The following ZNF385B variants were observed in gnomAD, a reference collection of about 807,000 sequenced individuals.
ZNF385B encodes the protein zinc finger protein 533.
A neutral mutation model predicts 39.2 loss-of-function variants in ZNF385B; 23 were observed. The ratio of observed to expected loss-of-function variants is 0.59; its 90% confidence interval spans 0.42 to 0.83. The LOEUF is 0.83. Ranked by LOEUF, ZNF385B falls within the 40% of genes least tolerant of loss-of-function variation. The pLI is 0.00. For synonymous variants in ZNF385B, 205 were observed against 222.6 expected, an observed-to-expected ratio of 0.92 and a Z score of 0.70; for missense variants, 552 against 598.9, an observed-to-expected ratio of 0.92 and a Z score of 0.82.
intron 6 of ZNF385B, among the ~76,000 whole-genome samples, chr2:179,466,915 C>CAAAAAAAAAA (rs777679885): frequency 1.9e-4 from 5 of 26,936 alleles, no homozygotes; most frequent in Admixed American, 6.6e-4. Context: ...GCAAGACTGT[C>CAAAAAAAAAA]AAAAAAAAAA....
At chr2:179,815,630 A>G (rs115532495) in intron 1 of ZNF385B, among the ~76,000 whole-genome samples, 228 of 152,234 alleles carry the variant, frequency 1.5e-3, no homozygotes, top group African/African-American at 5.3e-3. Flanking sequence ...TGATTGCTTG[A>G]TTCATTGATT....
chr2:179,769,797 T>C lies in ZNF385B; in HGVS notation c.4A>G (p.Arg2Gly), dbSNP rs771539914. 56 of 1,601,116 alleles carry C rather than the reference T, an allele frequency of 3.5e-5. No homozygotes were observed. In the African/African-American group the frequency reaches 5.6e-4, roughly 16 times the overall value. ...TGGTTGTCAGGGCTTAAGGAGTACC[T>C]CATGCCTGAAAAACAAAACAAGTAC... is the stretch of plus-strand genomic sequence containing the variant. M[R>G]YSLSPDNHLE... Residue 2 changes from arginine to glycine, a missense_variant, in exon 3 of 10, where the codon AGG becomes GGG. By Grantham distance (125) the Arg-to-Gly change is moderately radical (BLOSUM62 -2). Coordinates refer to ENST00000410066, the MANE Select transcript of ZNF385B (RefSeq NM_152520.6).
At chr2:179,818,248 T>G (rs1707193672) in intron 1 of ZNF385B, among the ~76,000 whole-genome samples, 1 of 152,154 alleles carries the variant, frequency 6.6e-6, no homozygotes, top group African/African-American at 2.4e-5. Context: ...AAATTTGCCT[T>G]TCCGACATAA....
At chr2:179,744,126 A>G (rs12473571) in intron 3 of ZNF385B, among the ~76,000 whole-genome samples, 16,786 of 152,118 alleles carry the variant, frequency 0.11, 1,587 homozygotes, top group East Asian at 0.49. Context: ...ATTTCAGAAC[A>G]TAACTATTTG....
intron 1 of ZNF385B, among the ~76,000 whole-genome samples, chr2:179,781,372 C>A (rs1704653983): frequency 6.6e-6 from 1 of 151,980 alleles, no homozygotes; most frequent in Admixed American, 6.6e-5. Context: ...TGATTTATGA[C>A]AATACTGACA....
chr2:179,691,951 A>G (rs969779657), intron 3 of ZNF385B, among the ~76,000 whole-genome samples: 1 of 152,186 alleles, frequency 6.6e-6, no homozygotes, highest in Non-Finnish European at 1.5e-5. Context: ...TAATGATCAA[A>G]TCAGGCTAAC....
At chr2:179,509,347 G>T in intron 5 of ZNF385B, among the ~76,000 whole-genome samples, 1 of 152,016 alleles carries the variant, frequency 6.6e-6, no homozygotes, top group East Asian at 1.9e-4. Flanking sequence ...TGCTGCTTTG[G>T]AAACAAGTTT....
intron 3 of ZNF385B, among the ~76,000 whole-genome samples, chr2:179,694,211 T>C (rs574116803): frequency 2.0e-5 from 3 of 152,208 alleles, no homozygotes; most frequent in Non-Finnish European, 4.4e-5. Context: ...CCATGTAGAT[T>C]GTTTATCAGG....
At chr2:179,537,515 G>A (rs927638229) in intron 4 of ZNF385B, among the ~76,000 whole-genome samples, 9 of 152,064 alleles carry the variant, frequency 5.9e-5, no homozygotes, top group African/African-American at 1.7e-4. Context: ...TGAGACAGGC[G>A]GATTGCCTGA....
chr2:179,828,083 T>C (rs1707779097), intron 1 of ZNF385B, among the ~76,000 whole-genome samples: 1 of 152,230 alleles, frequency 6.6e-6, no homozygotes, highest in African/African-American at 2.4e-5. Context: ...ATTTTATAAA[T>C]ATATCATTTA....
chr2:179,679,996 C>A (rs1316321459), intron 3 of ZNF385B, among the ~76,000 whole-genome samples: 1 of 152,180 alleles, frequency 6.6e-6, no homozygotes, highest in Non-Finnish European at 1.5e-5. Context: ...CTTTCTTTCT[C>A]ACTTTCTTTC....
intron 5 of ZNF385B, among the ~76,000 whole-genome samples, chr2:179,512,498 T>G (rs1443568308): frequency 6.6e-6 from 1 of 152,164 alleles, no homozygotes; most frequent in Non-Finnish European, 1.5e-5. Context: ...CTCAAAAAAT[T>G]TTCTGAAGTG....
intron 4 of ZNF385B, among the ~76,000 whole-genome samples, chr2:179,520,935 T>G (rs2058443363): frequency 6.6e-6 from 1 of 152,214 alleles, no homozygotes; most frequent in South Asian, 2.1e-4. Context: ...AAAAATACAT[T>G]GAAATTAACA....
At chr2:179,533,972 C>G (rs1013368390) in intron 4 of ZNF385B, among the ~76,000 whole-genome samples, 3 of 152,202 alleles carry the variant, frequency 2.0e-5, no homozygotes, top group African/African-American at 7.2e-5. Flanking sequence ...AGAATCCATT[C>G]AAACTGGTTG....
At chr2:179,670,563 A>C (rs1695847316) in intron 3 of ZNF385B, among the ~76,000 whole-genome samples, 1 of 152,196 alleles carries the variant, frequency 6.6e-6, no homozygotes, top group South Asian at 2.1e-4. Context: ...CATTTAATGT[A>C]CATTTATATA....
intron 1 of ZNF385B, among the ~76,000 whole-genome samples, chr2:179,801,668 T>G (rs1377599900): frequency 6.6e-6 from 1 of 152,146 alleles, no homozygotes; most frequent in African/African-American, 2.4e-5. Flanking sequence ...TATAAAAATT[T>G]GTAAAATAAA....
At chr2:179,561,012 G>A (rs2061299768) in intron 3 of ZNF385B, among the ~76,000 whole-genome samples, 1 of 152,154 alleles carries the variant, frequency 6.6e-6, no homozygotes, top group Admixed American at 6.5e-5. Context: ...AGAAACCTGA[G>A]TGCACCATAG....
chr2:179,621,585 C>G (rs1690219543), intron 3 of ZNF385B, among the ~76,000 whole-genome samples: 1 of 152,222 alleles, frequency 6.6e-6, no homozygotes, highest in Admixed American at 6.5e-5. Context: ...TTGGTTCCCC[C>G]AAGCCAGTGA....
chr2:179,835,508 T>TG (rs1018983621), intron 1 of ZNF385B, among the ~76,000 whole-genome samples: 15 of 152,000 alleles, frequency 9.9e-5, no homozygotes, highest in Admixed American at 3.9e-4. Flanking sequence ...GTGCTGGTGG[T>TG]GGGGGGGCCA....
Sources: gnomAD v4.1 joint callset for allele counts (sites outside exome capture counted in the v4.1 genomes callset) on GRCh38, gnomAD v4.1.1 for gene constraint, MANE v1.5 for transcripts, NCBI Gene and HGNC (gene_info 2026-07-23, HGNC 2026-07-21) for gene names.